The following MAPK13 variants were observed in gnomAD, a reference collection of about 807,000 sequenced individuals.
The protein encoded by MAPK13 is MAP kinase 13.
MAPK13 carries 39 observed loss-of-function variants against 53.5 expected under a neutral mutation model. The ratio of observed to expected loss-of-function variants is 0.73; its 90% CI spans 0.56 to 0.95. MAPK13 has a LOEUF of 0.95. Ranked by LOEUF, MAPK13 falls within the 40% of genes least tolerant of loss-of-function variation. The probability of loss-of-function intolerance (pLI) is 0.00; values close to 1 mark genes in which losing one functional copy is unlikely to be tolerated. For missense variants in MAPK13, 460 were observed against 471.8 expected (o/e 0.98, Z 0.23); for synonymous variants, 179 against 190.9 (o/e 0.94, Z 0.51).
chr6:36,137,605 G>A (rs1486233967), intron 8 of MAPK13, among the ~76,000 whole-genome samples: 1 of 150,686 alleles, frequency 6.6e-6, no homozygotes, highest in Non-Finnish European at 1.5e-5. Flanking sequence ...AGCTATGATT[G>A]TGCCACTGTA....
chr6:36,137,194 A>AC (rs1766434892), intron 8 of MAPK13, among the ~76,000 whole-genome samples: 1 of 151,582 alleles, frequency 6.6e-6, no homozygotes, highest in African/African-American at 2.4e-5. Flanking sequence ...ACATAGGGAG[A>AC]CCCCATCTCT....
At position 36,138,445 on chromosome 6, in the gene MAPK13, G is replaced by C. The variant is rs767783302; in HGVS notation, c.762+1G>C. 1 of 1,613,872 alleles carries C rather than the reference G, an allele frequency of 6.2e-7. No individual in the cohort carries two copies. The highest frequency in any genetic ancestry group is 2.2e-5 in the East Asian group (1 of 44,868). ...TGTGCAGAAGCTGAACGACAAAGCG[G>C]TGGGTGGTAAATGGGACCTAGGCTG... On this transcript the variant is annotated splice_donor_variant, in intron 9 of 11. Transcript: ENST00000211287. LOFTEE classifies it high-confidence loss of function.
intron 8 of MAPK13, among the ~76,000 whole-genome samples, 182 bp downstream of exon 8, chr6:36,137,132 G>A (rs758611146): frequency 3.3e-5 from 5 of 152,186 alleles, no homozygotes; most frequent in Admixed American, 2.6e-4. Flanking sequence ...CACTTTGGGA[G>A]GCTGAGGTGG....
chr6:36,144,180 A>ATAT lies in MAPK13; in HGVS notation c.*4809_*4811dup, dbSNP rs1290268682. ...ACCATGCCTGGCTAATTTCAGAATA[A>ATAT]TATTTTCATACACATAAAATATGTA... On this transcript the variant is annotated 3_prime_UTR_variant, in exon 12 of 12. Coordinates refer to ENST00000211287, the MANE Select transcript of MAPK13 (RefSeq NM_002754.5). 1.3e-5 allele frequency: 2 copies of ATAT among 152,166 alleles called. No individual in the cohort carries two copies. Among genetic ancestry groups the ATAT allele is most frequent in the Non-Finnish European group, 2.9e-5 (2 of 68,040 alleles). 9.4% of individuals were successfully genotyped at this position (152,166 alleles called of 1,614,324 possible).
At chr6:36,133,861 G>A (rs1175040304) in intron 3 of MAPK13, among the ~76,000 whole-genome samples, 1 of 152,306 alleles carries the variant, frequency 6.6e-6, no homozygotes, top group Admixed American at 6.5e-5. Flanking sequence ...GGCCTGATAG[G>A]AGGCAGAGGA....
intron 11 of MAPK13, 37 bp downstream of exon 11, chr6:36,139,092 T>TG (rs780975084): frequency 9.7e-6 from 15 of 1,544,758 alleles, no homozygotes; most frequent in Non-Finnish European, 7.0e-6. Flanking sequence ...CGCCTCCGCC[T>TG]GCAGCCTCTC....
At position 36,138,893 on chromosome 6, in the gene MAPK13, G is replaced by C. The variant is rs749864730; in HGVS notation, c.856G>C (p.Glu286Gln). 1 of 1,610,818 alleles carries C rather than the reference G, an allele frequency of 6.2e-7. No individual in the cohort carries two copies. The highest frequency in any genetic ancestry group is 8.5e-7 in the Non-Finnish European group (1 of 1,178,548). Residue 286 changes from glutamate to glutamine, a missense_variant, in exon 11 of 12, where the codon GAG becomes CAG. By Grantham distance (29) the Glu-to-Gln change is conservative. Transcript: ENST00000211287. ...RASPQAADLL[E>Q]KMLELDVDKR... ...TGCCCCTGCAGCTGCGGACCTGCTG[G>C]AGAAGATGCTGGAGCTAGACGTGGA...
rs1022119304 is a variant in MAPK13, at chr6:36,140,739, C to T, written c.*1366C>T. The stretch of plus-strand genomic sequence containing the variant: ...GGGGCTTCAGATGGAGTTTCACACT[C>T]ATCTTACAGGTGTTAAAACTGAGGC... On this transcript the variant is annotated 3_prime_UTR_variant, in exon 12 of 12. Coordinates refer to ENST00000211287, the MANE Select transcript of MAPK13 (RefSeq NM_002754.5). The T allele has an allele frequency of 5.9e-5, 9 of 152,532 alleles. No homozygotes were observed. Among genetic ancestry groups the T allele is most frequent in the Non-Finnish European group, 1.0e-4 (7 of 68,036 alleles). 9.4% of individuals were successfully genotyped at this position (152,532 alleles called of 1,614,324 possible). A position where few individuals can be genotyped will look rare whatever the true frequency, so the allele number is the denominator to read the frequency against.
chr6:36,132,488 G>A (rs1337664877), intron 2 of MAPK13, 133 bp from the exon 3 acceptor site: 4 of 764,094 alleles, frequency 5.2e-6, no homozygotes, highest in Non-Finnish European at 9.3e-6. Flanking sequence ...TTCCAAGAAG[G>A]TTGGAGACAT....
Position 36,139,418 on chromosome 6 carries a change from C to T in MAPK13, c.*45C>T, listed in dbSNP as rs773004381. The T allele has an allele frequency of 1.0e-5, 16 of 1,526,210 alleles. No individual in the cohort carries two copies. In the African/African-American group the frequency reaches 2.2e-4, roughly 21 times the overall value. 94.5% of individuals were successfully genotyped at this position (1,526,210 alleles called of 1,614,324 possible). A position where few individuals can be genotyped will look rare whatever the true frequency, so the allele number is the denominator to read the frequency against. ...CCGCCGGCCAGACACTGCCCAAGGACCAGTATTTGTCACTACCAAACTCAG... is the reference window on the plus strand; with the variant it reads ...CCGCCGGCCAGACACTGCCCAAGGATCAGTATTTGTCACTACCAAACTCAG... On this transcript the variant is annotated 3_prime_UTR_variant, in exon 12 of 12. Transcript: ENST00000211287.
chr6:36,138,494 C>T (rs374810283), intron 9 of MAPK13, 50 bp downstream of exon 9: 16 of 1,571,712 alleles, frequency 1.0e-5, no homozygotes, highest in African/African-American at 4.1e-5. Flanking sequence ...GCTTGCCTGA[C>T]GTGGGCCCAG....
Position 36,138,360 on chromosome 6 carries a change from C to A in MAPK13, c.683-5C>A, listed in dbSNP as rs759206131. 1 of 1,613,830 alleles carries A rather than the reference C, an allele frequency of 6.2e-7. No individual in the cohort carries two copies. Among genetic ancestry groups the A allele is most frequent in the South Asian group, 1.1e-5 (1 of 91,064 alleles). On this transcript the variant is annotated splice_region_variant and splice_polypyrimidine_tract_variant and intron_variant, in intron 8 of 11. Coordinates refer to ENST00000211287, the MANE Select transcript of MAPK13 (RefSeq NM_002754.5). The stretch of plus-strand genomic sequence containing the variant: ...AGCAAGGCTAAGCCTTAACCTGCCA[C>A]CAAGACCTGGACCAGCTGACCCAGA...
At chr6:36,133,754 G>A (rs949160656) in intron 3 of MAPK13, among the ~76,000 whole-genome samples, 1 of 152,188 alleles carries the variant, frequency 6.6e-6, no homozygotes, top group African/African-American at 2.4e-5. Flanking sequence ...TGACACCCGG[G>A]AACAGATAAT....
At chr6:36,134,680 A>T (rs1450561729) in intron 3 of MAPK13, among the ~76,000 whole-genome samples, 1 of 150,424 alleles carries the variant, frequency 6.6e-6, no homozygotes, top group Non-Finnish European at 1.5e-5. Context: ...CTAAAGGTGC[A>T]TGCCACCACA....
intron 5 of MAPK13, 22 bp from the exon 6 acceptor site, chr6:36,136,462 G>A (rs375569569): frequency 3.2e-6 from 5 of 1,569,888 alleles, no homozygotes; most frequent in Non-Finnish European, 3.4e-6. Flanking sequence ...AGCCTAGCAT[G>A]CATTCTCTGT....
rs1380323019 is a variant in MAPK13 at position 36,138,449 on chromosome 6, G to T, written c.762+5G>T. The T allele has an allele frequency of 6.2e-7, 1 of 1,613,608 alleles. No individual in the cohort carries two copies. On this transcript the variant is annotated splice_donor_5th_base_variant and intron_variant, in intron 9 of 11. Coordinates refer to ENST00000211287, the MANE Select transcript of MAPK13 (RefSeq NM_002754.5). ...CAGAAGCTGAACGACAAAGCGGTGGGTGGTAAATGGGACCTAGGCTGGCCT... is the reference window on the plus strand; with the variant it reads ...CAGAAGCTGAACGACAAAGCGGTGGTTGGTAAATGGGACCTAGGCTGGCCT...
intron 1 of MAPK13, 23 bp from the exon 2 acceptor site, chr6:36,131,248 G>T (rs545395840): frequency 6.2e-7 from 1 of 1,606,032 alleles, no homozygotes; most frequent in Admixed American, 1.7e-5. Context: ...AGCCTCGCCT[G>T]CTGACCGGCC....
intron 9 of MAPK13, 79 bp downstream of exon 9, chr6:36,138,523 GGAA>G (rs1766465347): frequency 2.1e-6 from 3 of 1,444,596 alleles, no homozygotes; most frequent in Non-Finnish European, 2.9e-6. Context: ...AGGCCTTTGT[GGAA>G]GAAGGCTCAC....
exon 12 of MAPK13, chr6:36,144,516 TTCCAA>T (rs1385108038): frequency 6.6e-6 from 1 of 152,256 alleles, no homozygotes; most frequent in Non-Finnish European, 1.5e-5. Flanking sequence ...TTGTATTCTA[TTCCAA>T]TCCAAGTGCA....
Sources: gnomAD v4.1 joint callset for allele counts (sites outside exome capture counted in the v4.1 genomes callset) on GRCh38, gnomAD v4.1.1 for gene constraint, MANE v1.5 for transcripts, NCBI Gene and HGNC (gene_info 2026-07-23, HGNC 2026-07-21) for gene names.